The following TBC1D2B variants were observed in gnomAD, a reference collection of about 807,000 sequenced individuals.
The protein encoded by TBC1D2B is TBC1 domain family member 2B.
TBC1D2B carries 64 observed loss-of-function variants against 100.8 expected under a neutral mutation model. The observed-to-expected ratio is 0.64, with a 90% CI of 0.52 to 0.78. The LOEUF (loss-of-function observed/expected upper bound fraction) is 0.78. Ranked by LOEUF, TBC1D2B falls within the 30% of genes least tolerant of loss-of-function variation. The pLI is 0.00. For synonymous variants in TBC1D2B, 480 were observed against 479.7 expected, an observed-to-expected ratio of 1.00 and a Z score of -0.01; for missense variants, 1,052 against 1,218.4, an observed-to-expected ratio of 0.86 and a Z score of 2.03.
At position 78,077,509 on chromosome 15, in the gene TBC1D2B, G is replaced by A. The variant is rs2141858848; in HGVS notation, c.144C>T (p.Gly48=). ...AGCGGCTGCGGTAGCCACGCAGGGG[G>A]CCCTTGCCCGACAGCTTCTGCAGAT... The part of the protein sequence containing the change: ...CGYLQKLSGK[G]PLRGYRSRWF... Residue 48 remains glycine (G), a synonymous_variant, in exon 1 of 13, where the codon GGC becomes GGT. Transcript: ENST00000300584. 2.0e-6 allele frequency: 3 copies of A among 1,530,026 alleles called. No individual in the cohort carries two copies. The highest frequency in any genetic ancestry group is 1.4e-5 in the African/African-American group (1 of 70,142). The allele number at this position is 1,530,026 out of a possible 1,614,324, so 94.8% of individuals were successfully genotyped here.
chr15:78,042,526 C>T (rs528581985), intron 3 of TBC1D2B, among the ~76,000 whole-genome samples: 1 of 152,326 alleles, frequency 6.6e-6, no homozygotes, highest in Admixed American at 6.5e-5. Context: ...AGATCCCTTT[C>T]TTTACTGAGA....
rs752295586 is a variant in TBC1D2B, at chr15:78,045,106, C to T, written c.515-38G>A. ...GTAAACAAATGTCAGTTACTCAAAG[C>T]TTCCACACGAAACTTGACATCCCAC... On this transcript the variant is annotated intron_variant, in intron 2 of 12. Transcript: ENST00000300584. 5.5e-5 allele frequency: 86 copies of T among 1,567,604 alleles called. 1 individual carries two copies. Among genetic ancestry groups the T allele is most frequent in the Non-Finnish European group, 7.3e-5 (84 of 1,154,296 alleles).
At chr15:78,013,411 G>C in intron 8 of TBC1D2B, 94 bp from the exon 9 acceptor site, 2 of 1,178,032 alleles carry the variant, frequency 1.7e-6, no homozygotes, top group Admixed American at 5.4e-5. Context: ...ACCAAATCAG[G>C]CACACGTGGT....
At chr15:78,004,988 A>C (rs1268333161) in intron 10 of TBC1D2B, among the ~76,000 whole-genome samples, 1 of 152,220 alleles carries the variant, frequency 6.6e-6, no homozygotes, top group Non-Finnish European at 1.5e-5. Context: ...GTGGCAAGGG[A>C]GATGGACGGC....
At chr15:78,009,187 C>A in intron 9 of TBC1D2B, 73 bp from the exon 10 acceptor site, 2 of 1,074,752 alleles carry the variant, frequency 1.9e-6, no homozygotes, top group South Asian at 1.4e-5. Context: ...CAGAGACCAT[C>A]TGCTTTAAGC....
intron 8 of TBC1D2B, among the ~76,000 whole-genome samples, chr15:78,014,245 T>C (rs776666413): frequency 3.9e-5 from 6 of 152,218 alleles, no homozygotes; most frequent in Non-Finnish European, 5.9e-5. Flanking sequence ...ACAGAACTAT[T>C]AAGTGACAAA....
At chr15:78,001,496 C>G (rs968399688) in intron 12 of TBC1D2B, 123 bp downstream of exon 12, 4 of 1,203,012 alleles carry the variant, frequency 3.3e-6, no homozygotes, top group Non-Finnish European at 4.4e-6. Context: ...AAGCAATGCC[C>G]TCTCCAACAC....
rs577471852 is a variant in TBC1D2B, at chr15:78,024,612, T to C, written c.1087-73A>G. 3.0e-6 allele frequency: 4 copies of C among 1,339,588 alleles called. No homozygotes were observed. The East Asian group carries it at 7.1e-5, about 24-fold the overall frequency. The allele number at this position is 1,339,588 out of a possible 1,614,324, so 83.0% of individuals were successfully genotyped here. On this transcript the variant is annotated intron_variant, in intron 5 of 12. Coordinates refer to ENST00000300584, the MANE Select transcript of TBC1D2B (RefSeq NM_144572.2). ...AGGAGGAAAAGCAGAAATCATGACA[T>C]TACATGGAGTAATCGACAGAGTTTG...
At chr15:78,019,108 C>T (rs1006317361) in intron 6 of TBC1D2B, among the ~76,000 whole-genome samples, 11 of 151,984 alleles carry the variant, frequency 7.2e-5, no homozygotes, top group African/African-American at 2.7e-4. Flanking sequence ...CCCAGAGATG[C>T]GGCTACAGAA....
At chr15:78,011,644 GGTTTTTTTTTTTT>G (rs2072231478) in intron 9 of TBC1D2B, among the ~76,000 whole-genome samples, 1 of 127,550 alleles carries the variant, frequency 7.8e-6, no homozygotes, top group African/African-American at 3.0e-5. Flanking sequence ...CTAATTTTTT[GGTTTTTTTTTTTT>G]TTTTTTTTTT....
At chr15:78,001,808 AG>A in intron 11 of TBC1D2B, 68 bp from the exon 12 acceptor site, 9 of 1,523,310 alleles carry the variant, frequency 5.9e-6, no homozygotes, top group South Asian at 2.5e-5. Flanking sequence ...GCTGGACTCC[AG>A]GGGGGTGCTG....
At chr15:78,035,410 AAAC>A (rs1165633975) in intron 3 of TBC1D2B, among the ~76,000 whole-genome samples, 1 of 152,242 alleles carries the variant, frequency 6.6e-6, no homozygotes, top group Non-Finnish European at 1.5e-5. Flanking sequence ...ACCCCTCCAC[AAAC>A]CGCCTGCACA....
chr15:78,050,772 C>T (rs1246718006), intron 2 of TBC1D2B, among the ~76,000 whole-genome samples: 2 of 152,210 alleles, frequency 1.3e-5, no homozygotes, highest in Non-Finnish European at 2.9e-5. Flanking sequence ...TCCAATCACA[C>T]AGGAAAGTCT....
chr15:78,000,455 A>C (rs1407948003), intron 12 of TBC1D2B, among the ~76,000 whole-genome samples: 1 of 152,226 alleles, frequency 6.6e-6, no homozygotes, highest in African/African-American at 2.4e-5. Context: ...CCAACACGAG[A>C]TGAACAGAAA....
chr15:78,001,258 C>G (rs1399683498), intron 12 of TBC1D2B, among the ~76,000 whole-genome samples: 2 of 152,216 alleles, frequency 1.3e-5, no homozygotes, highest in Non-Finnish European at 2.9e-5. Context: ...GCAACAGTGT[C>G]CCCAGCAAGG....
intron 9 of TBC1D2B, among the ~76,000 whole-genome samples, chr15:78,010,660 G>C (rs1403412245): frequency 6.6e-6 from 1 of 152,036 alleles, no homozygotes; most frequent in Non-Finnish European, 1.5e-5. Flanking sequence ...AGGAGAAGGG[G>C]TAGAGAGTCT....
chr15:78,039,936 G>T (rs1160192947), intron 3 of TBC1D2B, among the ~76,000 whole-genome samples: 2 of 152,172 alleles, frequency 1.3e-5, no homozygotes, highest in Non-Finnish European at 2.9e-5. Context: ...ACTAGAGCTG[G>T]ACCCCAGGAG....
intron 4 of TBC1D2B, among the ~76,000 whole-genome samples, chr15:78,027,108 A>G (rs1331771531): frequency 6.6e-6 from 1 of 151,922 alleles, no homozygotes; most frequent in Non-Finnish European, 1.5e-5. Flanking sequence ...AGATAGATTG[A>G]AATATATATA....
chr15:78,074,889 T>G (rs866294613), intron 1 of TBC1D2B, among the ~76,000 whole-genome samples: 21 of 152,224 alleles, frequency 1.4e-4, no homozygotes, highest in Admixed American at 9.8e-4. Flanking sequence ...ACTATATGAA[T>G]ACACTACATA....
Sources: gnomAD v4.1 joint callset for allele counts (sites outside exome capture counted in the v4.1 genomes callset) on GRCh38, gnomAD v4.1.1 for gene constraint, MANE v1.5 for transcripts, NCBI Gene and HGNC (gene_info 2026-07-23, HGNC 2026-07-21) for gene names.